CFAP96: variants seen among roughly 807,000 people sequenced by gnomAD.
CFAP96 encodes the protein cilia and flagella associated protein 96.
the CFAP96 span, among the ~76,000 whole-genome samples, chr4:185,429,024 T>C: frequency 6.6e-6 from 1 of 152,260 alleles, no homozygotes; most frequent in African/African-American, 2.4e-5. Flanking sequence ...GATTTGTTTA[T>C]AATACACCGT....
chr4:185,427,087 G>A, the CFAP96 span, among the ~76,000 whole-genome samples: 1 of 151,038 alleles, frequency 6.6e-6, no homozygotes, highest in Non-Finnish European at 1.5e-5. Context: ...AAATTAATAA[G>A]AAAAAAGTTA....
At chr4:185,416,597 G>C in the CFAP96 span, among the ~76,000 whole-genome samples, 4 of 151,510 alleles carry the variant, frequency 2.6e-5, no homozygotes, top group African/African-American at 9.7e-5. Flanking sequence ...AGATAAAAAT[G>C]AACGTGTTAT....
the CFAP96 span, among the ~76,000 whole-genome samples, chr4:185,421,071 G>C: frequency 6.6e-6 from 1 of 152,198 alleles, no homozygotes; most frequent in Non-Finnish European, 1.5e-5. Context: ...GAGTGATTTA[G>C]TCCTAGTAAA....
the CFAP96 span, chr4:185,418,372 G>T: frequency 8.4e-7 from 1 of 1,193,136 alleles, no homozygotes; most frequent in Non-Finnish European, 1.2e-6. Context: ...TTATTTCTAA[G>T]ATTGCACTCA....
At chr4:185,429,409 A>G in the CFAP96 span, 22 of 1,528,526 alleles carry the variant, frequency 1.4e-5, no homozygotes, top group South Asian at 2.0e-4. Flanking sequence ...ACCAGACGCC[A>G]CCATGCCTGC....
chr4:185,413,843 G>C, the CFAP96 span: 3 of 1,610,400 alleles, frequency 1.9e-6, no homozygotes, highest in Non-Finnish European at 1.7e-6. Context: ...AGGGTCTGTC[G>C]TGAGGCAGAT....
chr4:185,444,854 C>A, the CFAP96 span: 1 of 1,017,902 alleles, frequency 9.8e-7, no homozygotes, highest in Non-Finnish European at 1.4e-6. Flanking sequence ...GTATCATTTT[C>A]TTTAAAACCA....
the CFAP96 span, among the ~76,000 whole-genome samples, chr4:185,423,481 A>C: frequency 1.3e-5 from 2 of 152,248 alleles, no homozygotes; most frequent in East Asian, 3.8e-4. Context: ...TTAGAATCTC[A>C]GACTTAGTCT....
chr4:185,424,292 C>T, the CFAP96 span, among the ~76,000 whole-genome samples: 2 of 152,080 alleles, frequency 1.3e-5, no homozygotes, highest in South Asian at 4.1e-4. Flanking sequence ...AGCAACAGAG[C>T]AAGATCTTGT....
At chr4:185,436,712 A>AAATAATAATAATAATAATAATAATAAT in the CFAP96 span, among the ~76,000 whole-genome samples, 1 of 144,130 alleles carries the variant, frequency 6.9e-6, no homozygotes, top group Non-Finnish European at 1.5e-5. Flanking sequence ...TCCGTCTCAA[A>AAATAATAATAATAATAATAATAATAAT]AATAATAATA....
chr4:185,447,573 T>A, the CFAP96 span, among the ~76,000 whole-genome samples: 11 of 152,340 alleles, frequency 7.2e-5, no homozygotes, highest in Middle Eastern at 3.4e-3. Flanking sequence ...TGAGCACTTG[T>A]ATGTGTCACT....
chr4:185,449,791 T>C, the CFAP96 span: 1 of 516,848 alleles, frequency 1.9e-6, no homozygotes, highest in Non-Finnish European at 3.5e-6. Context: ...TTCCTTATTT[T>C]AATACTACTA....
the CFAP96 span, among the ~76,000 whole-genome samples, chr4:185,448,240 C>T: frequency 1.3e-5 from 2 of 152,070 alleles, no homozygotes; most frequent in African/African-American, 2.4e-5. Flanking sequence ...AGGCTGGTCT[C>T]GAACTCCTGA....
chr4:185,411,052 A>C, the CFAP96 span, among the ~76,000 whole-genome samples: 2 of 151,744 alleles, frequency 1.3e-5, no homozygotes, highest in Non-Finnish European at 2.9e-5. Flanking sequence ...AAAAAAAGAA[A>C]GTAAAGAGCA....
chr4:185,420,212 C>T, the CFAP96 span, among the ~76,000 whole-genome samples: 3 of 152,040 alleles, frequency 2.0e-5, no homozygotes, highest in Non-Finnish European at 2.9e-5. Flanking sequence ...GGTTATGTCA[C>T]CAACATATTT....
chr4:185,418,473 T>C, the CFAP96 span: 3 of 1,611,334 alleles, frequency 1.9e-6, no homozygotes, highest in Non-Finnish European at 2.5e-6. Context: ...TTCTTTCTCA[T>C]GAATTTTCTT....
At chr4:185,417,801 T>C in the CFAP96 span, among the ~76,000 whole-genome samples, 1 of 152,156 alleles carries the variant, frequency 6.6e-6, no homozygotes, top group African/African-American at 2.4e-5. Flanking sequence ...CCCAGCACTT[T>C]GGGAGCCTGA....
At chr4:185,445,277 A>G in the CFAP96 span, 6 of 758,052 alleles carry the variant, frequency 7.9e-6, no homozygotes, top group Non-Finnish European at 6.3e-6. Context: ...TTCCATGTAC[A>G]GGTACCTGCC....
the CFAP96 span, among the ~76,000 whole-genome samples, chr4:185,432,517 A>T: frequency 6.6e-6 from 1 of 152,156 alleles, no homozygotes; most frequent in African/African-American, 2.4e-5. Flanking sequence ...AATTGCCTTG[A>T]ATTATCATGT....
Sources: allele counts gnomAD v4.1 joint callset (sites outside exome capture counted in the v4.1 genomes callset), GRCh38; gene constraint gnomAD v4.1.1; transcripts MANE v1.5; gene names NCBI Gene and HGNC (gene_info 2026-07-23, HGNC 2026-07-21).